The following LMTK2 variants were observed in gnomAD, a reference collection of about 807,000 sequenced individuals.
The protein encoded by LMTK2 is serine/threonine-protein kinase LMTK2.
A neutral mutation model predicts 127.5 loss-of-function variants in LMTK2; 37 were observed. That is an observed-to-expected ratio of 0.29 (90% CI 0.22 to 0.38). The LOEUF is 0.38. Ranked by LOEUF, LMTK2 falls within the 10% of genes least tolerant of loss-of-function variation. LMTK2 has a pLI of 1.00. For missense variants in LMTK2, 1,694 were observed against 1,920.3 expected, an observed-to-expected ratio of 0.88 and a Z score of 2.20; for synonymous variants, 819 against 810.1, an observed-to-expected ratio of 1.01 and a Z score of -0.19.
Position 98,137,302 on chromosome 7 carries a change from T to A in LMTK2, c.104-13T>A, listed in dbSNP as rs1418693672. 5.0e-6 allele frequency: 8 copies of A among 1,596,118 alleles called. No individual in the cohort carries two copies. Reference sequence around the variant, plus strand: ...ATGTACATGTTTTTAATATTATTTATCTCTCTTTCCAGGGGAGGCGCCACC... The same window carrying A: ...ATGTACATGTTTTTAATATTATTTAACTCTCTTTCCAGGGGAGGCGCCACC... On this transcript the variant is annotated splice_polypyrimidine_tract_variant and intron_variant, in intron 1 of 13. Coordinates refer to ENST00000297293, the MANE Select transcript of LMTK2 (RefSeq NM_014916.4).
intron 4 of LMTK2, among the ~76,000 whole-genome samples, chr7:98,154,296 G>T (rs1280422450): frequency 6.6e-6 from 1 of 152,126 alleles, no homozygotes; most frequent in African/African-American, 2.4e-5. Context: ...AAGTTTCAGG[G>T]CAATGATTGA....
At chr7:98,167,788 C>G (rs931966658) in intron 6 of LMTK2, among the ~76,000 whole-genome samples, 4 of 152,094 alleles carry the variant, frequency 2.6e-5, no homozygotes, top group Admixed American at 2.6e-4. Context: ...GGGAGCGCCC[C>G]CAGGACTGAG....
intron 1 of LMTK2, among the ~76,000 whole-genome samples, chr7:98,125,527 G>A (rs1447461777): frequency 6.6e-6 from 1 of 152,176 alleles, no homozygotes; most frequent in African/African-American, 2.4e-5. Context: ...TTTCTGCCTG[G>A]TGAACTTCAC....
chr7:98,122,726 GTA>G (rs72372592), intron 1 of LMTK2, among the ~76,000 whole-genome samples: 240 of 14,236 alleles, frequency 0.017, 4 homozygotes, highest in Middle Eastern at 0.11. Flanking sequence ...GTGTGTGTGT[GTA>G]TATATATAAC....
At position 98,106,886 on chromosome 7, in the gene LMTK2, C is replaced by A. The variant is rs949517875; in HGVS notation, c.-292C>A. On this transcript the variant is annotated 5_prime_UTR_variant, in exon 1 of 14. Coordinates refer to ENST00000297293, the MANE Select transcript of LMTK2 (RefSeq NM_014916.4). ...CGTCACATGACGCAGCCCATCATGG[C>A]GGCGGGAGCGCGGCTTCCCAGGCCC... The A allele has an allele frequency of 2.2e-6, 1 of 445,518 alleles. No individual in the cohort carries two copies. Among genetic ancestry groups the A allele is most frequent in the Non-Finnish European group, 4.0e-6 (1 of 251,932 alleles). The allele number at this position is 445,518 out of a possible 1,614,324, so 27.6% of individuals were successfully genotyped here. A position where few individuals can be genotyped will look rare whatever the true frequency, so the allele number is the denominator to read the frequency against.
chr7:98,193,667 C>T lies in LMTK2; in HGVS notation c.3202C>T (p.Pro1068Ser), dbSNP rs1210091003. The change falls in exon 11 of 14, where the codon CCT (proline) becomes TCT (serine). Residue 1068 changes from proline to serine, a missense_variant. Transcript: ENST00000297293. This position sits in a 1 kb window ranked among gnomAD's most constrained non-coding sequence, Gnocchi z 4.1. Reference sequence around the variant, plus strand: ...GGGCGATGGCGGCCACAGCGGTCTGCCTCCCAACCCGGTCATTGTCATCTC... The same window carrying T: ...GGGCGATGGCGGCCACAGCGGTCTGTCTCCCAACCCGGTCATTGTCATCTC... ...TTGDGGHSGL[P>S]PNPVIVISDA... 1 of 1,613,842 alleles carries T rather than the reference C, an allele frequency of 6.2e-7. No homozygotes were observed. Among genetic ancestry groups the T allele is most frequent in the East Asian group, 2.2e-5 (1 of 44,868 alleles).
At chr7:98,176,957 A>T (rs1356452634) in intron 7 of LMTK2, among the ~76,000 whole-genome samples, 1 of 152,234 alleles carries the variant, frequency 6.6e-6, no homozygotes, top group Non-Finnish European at 1.5e-5. Context: ...AGACGCAGGC[A>T]CAGACAGGTA....
intron 7 of LMTK2, among the ~76,000 whole-genome samples, chr7:98,179,634 C>A (rs571704162): frequency 7.7e-6 from 1 of 130,694 alleles, no homozygotes; most frequent in Non-Finnish European, 1.6e-5. Context: ...TCCCTTTCTC[C>A]CTCCCTCCCT....
At chr7:98,150,213 C>T (rs956369013) in intron 3 of LMTK2, among the ~76,000 whole-genome samples, 1 of 150,150 alleles carries the variant, frequency 6.7e-6, no homozygotes, top group Non-Finnish European at 1.5e-5. Flanking sequence ...GAGGCTGAGG[C>T]GGGAGAATCA....
chr7:98,116,956 G>A, intron 1 of LMTK2, among the ~76,000 whole-genome samples: 1 of 152,236 alleles, frequency 6.6e-6, no homozygotes, highest in East Asian at 1.9e-4. Context: ...GACTGGGGGT[G>A]TGGGTTTCTG....
intron 1 of LMTK2, among the ~76,000 whole-genome samples, chr7:98,122,966 CTT>C (rs960983206): frequency 6.7e-6 from 1 of 149,130 alleles, no homozygotes; most frequent in Non-Finnish European, 1.5e-5. Context: ...CCTTGGTTCT[CTT>C]TTTTTTTTCC....
At chr7:98,198,277 G>A (rs148560908) in intron 11 of LMTK2, among the ~76,000 whole-genome samples, 5 of 149,084 alleles carry the variant, frequency 3.4e-5, no homozygotes, top group African/African-American at 9.9e-5. Context: ...TGCAACCTCC[G>A]CCTCCCGCGT....
chr7:98,176,857 A>G (rs1423440742), intron 7 of LMTK2, among the ~76,000 whole-genome samples: 2 of 152,146 alleles, frequency 1.3e-5, no homozygotes, highest in Non-Finnish European at 2.9e-5. Flanking sequence ...AATAATAATA[A>G]TGATTTACTG....
intron 1 of LMTK2, 40 bp from the exon 2 acceptor site, chr7:98,137,275 G>T (rs1205940179): frequency 6.3e-7 from 1 of 1,577,002 alleles, no homozygotes; most frequent in South Asian, 1.2e-5. Flanking sequence ...GTTGATTTTG[G>T]AATGTACATG....
chr7:98,122,747 A>C lies in LMTK2; in HGVS notation c.104-14568A>C, dbSNP rs867471319. ...GTGTGTATATATATAACTGGATCTC[A>C]CTCTGTCCCCTAGGCTGGGGTGTCC... On this transcript the variant is annotated intron_variant, in intron 1 of 13. Coordinates refer to ENST00000297293, the MANE Select transcript of LMTK2 (RefSeq NM_014916.4). Among the ~76,000 whole-genome samples the C allele has an allele frequency of 8.3e-4, 109 of 130,622 alleles. 1 individual carries two copies. The highest frequency in any genetic ancestry group is 2.8e-3 in the African/African-American group (98 of 34,630). The allele number at this position is 130,622 out of a possible 152,430, so 85.7% of individuals were successfully genotyped here. A position where few individuals can be genotyped will look rare whatever the true frequency, so the allele number is the denominator to read the frequency against.
intron 3 of LMTK2, among the ~76,000 whole-genome samples, chr7:98,150,417 A>G (rs184571744): frequency 1.3e-4 from 20 of 152,340 alleles, no homozygotes; most frequent in Middle Eastern, 6.8e-3. Flanking sequence ...AGACGGAGCA[A>G]CTGGAACCCT....
At chr7:98,165,953 G>A (rs1467307874) in intron 6 of LMTK2, among the ~76,000 whole-genome samples, 1 of 152,058 alleles carries the variant, frequency 6.6e-6, no homozygotes, top group Non-Finnish European at 1.5e-5. Context: ...TTGAGGTGTG[G>A]GGGTGATTGG....
At position 98,193,047 on chromosome 7, in the gene LMTK2, A is replaced by G; in HGVS notation, c.2582A>G (p.Asp861Gly). 1 of 1,613,930 alleles carries G rather than the reference A, an allele frequency of 6.2e-7. No individual in the cohort carries two copies. Among genetic ancestry groups the G allele is most frequent in the South Asian group, 1.1e-5 (1 of 91,074 alleles). The change falls in exon 11 of 14, where the codon GAC becomes GGC. Residue 861 changes from aspartate (D) to glycine (G), a missense_variant. By Grantham distance (94) the Asp-to-Gly change is moderately conservative (BLOSUM62 -1). Around this residue, in one of 8 missense-constraint regions of LMTK2, gnomAD observed 527 missense variants for 539.8 expected, o/e 0.98. Coordinates refer to ENST00000297293, the MANE Select transcript of LMTK2 (RefSeq NM_014916.4). The surrounding 1 kb of genome is among the most constrained non-coding windows in gnomAD (Gnocchi z 4.1). ...EDCLHQDISP[D>G]AVTVPVEILS... ...TGTCTCCACCAGGACATCAGTCCAGACGCTGTGACTGTCCCGGTTGAAATT... is the reference window on the plus strand; with the variant it reads ...TGTCTCCACCAGGACATCAGTCCAGGCGCTGTGACTGTCCCGGTTGAAATT...
At chr7:98,118,866 G>A (rs566132691) in intron 1 of LMTK2, among the ~76,000 whole-genome samples, 6 of 152,206 alleles carry the variant, frequency 3.9e-5, no homozygotes, top group Non-Finnish European at 8.8e-5. Context: ...ACCGAGGCAG[G>A]CAGATCATGA....
Sources: gnomAD v4.1 joint callset for allele counts (sites outside exome capture counted in the v4.1 genomes callset) on GRCh38, gnomAD v4.1.1 for gene constraint, gnomAD v4.1.1 regional missense constraint, Gnocchi (gnomAD v3.1) non-coding constraint, MANE v1.5 for transcripts, NCBI Gene and HGNC (gene_info 2026-07-23, HGNC 2026-07-21) for gene names.